The following PHYKPL variants were observed in gnomAD, a reference collection of about 807,000 sequenced individuals.
PHYKPL encodes the protein 5-phosphohydroxy-L-lysine phospho-lyase, also known as 5-phosphonooxy-L-lysine phospho-lyase.
A neutral mutation model predicts 51.3 loss-of-function variants in PHYKPL; 42 were observed. The ratio of observed to expected loss-of-function variants is 0.82; its 90% CI spans 0.64 to 1.06. The LOEUF is 1.06. Ranked by LOEUF, PHYKPL falls within the 50% of genes least tolerant of loss-of-function variation. The pLI, the probability that PHYKPL is intolerant of heterozygous loss-of-function variation, is 0.00. For missense variants in PHYKPL, 655 were observed against 586.6 expected (o/e 1.12, Z -1.20); for synonymous variants, 264 against 236.0 (o/e 1.12, Z -1.09).
At chr5:178,231,381 G>A in intron 2 of PHYKPL, 24 bp downstream of exon 2, 1 of 1,614,108 alleles carries the variant, frequency 6.2e-7, no homozygotes, top group Middle Eastern at 1.7e-4. Context: ...CTCCTGCCCT[G>A]CCAGCCTGAG....
In PHYKPL at chr5:178,229,963, A is replaced by G; in HGVS notation, c.315T>C (p.Cys105=). Residue 105 remains cysteine (C), a synonymous_variant, in exon 3 of 13, where the codon TGT becomes TGC. Coordinates refer to ENST00000308158, the MANE Select transcript of PHYKPL (RefSeq NM_153373.4). Reference sequence around the variant, plus strand: ...ACCCAGAATTCAGGAAATAGAACACACAGAGCTGCTCCGGCAGGGTCTCTG... The same window carrying G: ...ACCCAGAATTCAGGAAATAGAACACGCAGAGCTGCTCCGGCAGGGTCTCTG... ...RLSETLPEQL[C]VFYFLNSGSE... The G allele has an allele frequency of 3.1e-6, 5 of 1,614,070 alleles. No individual in the cohort carries two copies. Among genetic ancestry groups the G allele is most frequent in the Non-Finnish European group, 3.4e-6 (4 of 1,179,944 alleles).
At chr5:178,232,351 C>G in intron 1 of PHYKPL, 141 bp downstream of exon 1, 2 of 1,280,882 alleles carry the variant, frequency 1.6e-6, no homozygotes, top group South Asian at 4.9e-5. Context: ...CCAGCGGGGC[C>G]GGGGCAGCGG....
intron 3 of PHYKPL, among the ~76,000 whole-genome samples, chr5:178,227,937 A>G (rs547667036): frequency 6.6e-6 from 1 of 152,268 alleles, no homozygotes; most frequent in South Asian, 2.1e-4. Flanking sequence ...TGGAGCAGAT[A>G]TAGGTGGTGA....
chr5:178,224,748 G>C lies in PHYKPL; in HGVS notation c.414-19C>G. On this transcript the variant is annotated intron_variant, in intron 4 of 12. Transcript: ENST00000308158. ...ATACGCACTGGGGAGGAGAAGGGAG[G>C]GTAGGCTCGGGTCCGGGCAGCACCT... The C allele has an allele frequency of 6.3e-7, 1 of 1,594,090 alleles. No individual in the cohort carries two copies.
intron 8 of PHYKPL, chr5:178,217,066 CTAAAGGAAACTATACT>C (rs1216469143): frequency 2.0e-5 from 3 of 151,894 alleles, no homozygotes; most frequent in African/African-American, 7.3e-5. Context: ...GTTAAGAGAC[CTAAAGGAAACTATACT>C]TAAAAAATTG....
At chr5:178,221,534 G>A (rs1338877695) in intron 8 of PHYKPL, among the ~76,000 whole-genome samples, 1 of 152,132 alleles carries the variant, frequency 6.6e-6, no homozygotes, top group Non-Finnish European at 1.5e-5. Flanking sequence ...GTTTTTGGCT[G>A]AATGCACCAA....
chr5:178,231,895 A>C lies in PHYKPL; in HGVS notation c.60-372T>G, dbSNP rs3749810. ...CGATGGGATGGGCCAGGGCACCAAC[A>C]TTAGGTGCCTGGCTCTCAGCCCTAA... On this transcript the variant is annotated intron_variant, in intron 1 of 12. Coordinates refer to ENST00000308158, the MANE Select transcript of PHYKPL (RefSeq NM_153373.4). 442,616 of 1,310,826 alleles carry C rather than the reference A, an allele frequency of 0.34. 76,670 individuals carry two copies. Among genetic ancestry groups the C allele is most frequent in the East Asian group, 0.47 (8,760 of 18,670 alleles). The allele number at this position is 1,310,826 out of a possible 1,614,324, so 81.2% of individuals were successfully genotyped here.
At chr5:178,220,197 A>G (rs1760867681) in intron 8 of PHYKPL, among the ~76,000 whole-genome samples, 1 of 145,918 alleles carries the variant, frequency 6.9e-6, no homozygotes, top group African/African-American at 2.5e-5. Context: ...CCCGTTTCAA[A>G]AAAAAAAAAA....
chr5:178,211,220 C>G (rs1332957602), intron 12 of PHYKPL: 16 of 140,324 alleles, frequency 1.1e-4, no homozygotes, highest in Admixed American at 2.1e-4. Context: ...TCGAGGGAGG[C>G]GGGGGGGGGG....
intron 12 of PHYKPL, chr5:178,210,299 C>T (rs1263273954): frequency 1.9e-6 from 3 of 1,613,814 alleles, no homozygotes; most frequent in Non-Finnish European, 2.5e-6. Context: ...GAGGCCCCAT[C>T]CGCTCACCCC....
chr5:178,210,382 C>T (rs1561672352), intron 12 of PHYKPL: 1 of 1,579,526 alleles, frequency 6.3e-7, no homozygotes, highest in Non-Finnish European at 8.6e-7. Context: ...AGGCCTGGCT[C>T]AGCCATGGGA....
downstream of PHYKPL, among the ~76,000 whole-genome samples, chr5:178,207,403 G>A (rs1757117400): frequency 6.6e-6 from 1 of 152,182 alleles, no homozygotes; most frequent in South Asian, 2.1e-4. Flanking sequence ...AGACTTCTCA[G>A]GCTGGGAGGA....
Position 178,232,754 on chromosome 5 carries a change from T to G in PHYKPL, c.-204A>C. On this transcript the variant is annotated 5_prime_UTR_variant, in exon 1 of 13. Coordinates refer to ENST00000308158, the MANE Select transcript of PHYKPL (RefSeq NM_153373.4). ...CTGGGCCTGGCAGCCTTCCGGCCCG[T>G]GGTCGTGCCTTGGCAGTCCCGCGCA... The G allele has an allele frequency of 2.0e-6, 1 of 488,404 alleles. No individual in the cohort carries two copies. The allele number at this position is 488,404 out of a possible 1,614,324, so 30.3% of individuals were successfully genotyped here.
chr5:178,224,368 C>T, intron 6 of PHYKPL, 80 bp downstream of exon 6: 1 of 1,403,708 alleles, frequency 7.1e-7, no homozygotes, highest in Non-Finnish European at 9.7e-7. Flanking sequence ...TCTCTGGGTT[C>T]CCAGCATCTA....
At chr5:178,211,794 A>T in intron 12 of PHYKPL, 96 bp downstream of exon 12, 1 of 794,170 alleles carries the variant, frequency 1.3e-6, no homozygotes, top group South Asian at 1.6e-5. Context: ...AACAAAAAAA[A>T]GTCTTAAAAA....
At chr5:178,213,501 TCCACGTGCC>T (rs147890772) in intron 10 of PHYKPL, among the ~76,000 whole-genome samples, 5,569 of 152,274 alleles carry the variant, frequency 0.037, 297 homozygotes, top group African/African-American at 0.12. Context: ...TGTAATGAGC[TCCACGTGCC>T]CCTCACCAGC....
At chr5:178,212,064 A>C in intron 11 of PHYKPL, 94 bp from the exon 12 acceptor site, 2 of 1,382,684 alleles carry the variant, frequency 1.4e-6, no homozygotes, top group Non-Finnish European at 2.0e-6. Context: ...GACAGTTTAG[A>C]GATTGGGCCC....
intron 12 of PHYKPL, chr5:178,209,531 C>T: frequency 1.7e-6 from 2 of 1,211,630 alleles, no homozygotes; most frequent in Non-Finnish European, 2.4e-6. Context: ...CCCTCTGGTG[C>T]TGTGCAGCAG....
downstream of PHYKPL, chr5:178,207,232 T>C: frequency 2.5e-6 from 4 of 1,613,732 alleles, no homozygotes; most frequent in Non-Finnish European, 3.4e-6. Flanking sequence ...CAAGGTAAGG[T>C]GTTCCCAGCT....
Sources: gnomAD v4.1 joint callset for allele counts (sites outside exome capture counted in the v4.1 genomes callset) on GRCh38, gnomAD v4.1.1 for gene constraint, MANE v1.5 for transcripts, NCBI Gene and HGNC (gene_info 2026-07-23, HGNC 2026-07-21) for gene names.